LMBR1: variants seen among roughly 807,000 people sequenced by gnomAD.
The protein encoded by LMBR1 is limb region 1 protein homolog.
In LMBR1, 52 loss-of-function variants were observed where a neutral mutation model predicts 73.9. That is an observed-to-expected ratio of 0.70 (90% CI 0.56 to 0.89). LMBR1 has a LOEUF of 0.89. Among genes scored for constraint, LMBR1 ranks in the 40% least tolerant of loss-of-function variants. LMBR1 has a pLI of 0.00. For missense variants in LMBR1, 539 were observed against 579.8 expected, an observed-to-expected ratio of 0.93 and a Z score of 0.72; for synonymous variants, 215 against 209.4, an observed-to-expected ratio of 1.03 and a Z score of -0.23.
At chr7:156,843,667 G>A (rs1028008863) in intron 1 of LMBR1, among the ~76,000 whole-genome samples, 2 of 151,668 alleles carry the variant, frequency 1.3e-5, no homozygotes, top group East Asian at 1.9e-4. Flanking sequence ...CCAACATGAC[G>A]AAACCCGGAA....
At chr7:156,761,990 A>AAAAAAAAAAAAAC (rs1823131227) in intron 8 of LMBR1, 144 bp downstream of exon 8, 2 of 586,928 alleles carry the variant, frequency 3.4e-6, no homozygotes, top group African/African-American at 3.8e-5. Flanking sequence ...AAAAAAAAAA[A>AAAAAAAAAAAAAC]AACTTAATAA....
At chr7:156,688,376 G>C (rs1806407713) in intron 15 of LMBR1, among the ~76,000 whole-genome samples, 185 bp from the exon 16 acceptor site, 1 of 151,972 alleles carries the variant, frequency 6.6e-6, no homozygotes. Context: ...CCTCAAGCCA[G>C]ACCTAACCTA....
At chr7:156,798,388 TTC>T (rs1830400640) in intron 4 of LMBR1, among the ~76,000 whole-genome samples, 2 of 152,334 alleles carry the variant, frequency 1.3e-5, no homozygotes, top group South Asian at 4.1e-4. Flanking sequence ...CCCTTTCATC[TTC>T]TTTCTACCAA....
rs60224916 is a variant in LMBR1, at chr7:156,725,268, T to A, written c.1158+167A>T. 2.2e-4 allele frequency among the ~76,000 whole-genome samples: 34 copies of A among 152,248 alleles called. No homozygotes were observed. In the East Asian group the frequency reaches 6.4e-3, roughly 29 times the overall value. On this transcript the variant is annotated intron_variant, in intron 14 of 16. Coordinates refer to ENST00000353442, the MANE Select transcript of LMBR1 (RefSeq NM_022458.4). ...CGCCATCCAAATTAAACAGGGTACA[T>A]CCCTTTCCCACTCACTCAGCATTTT...
At chr7:156,755,501 A>G (rs73166124) in intron 9 of LMBR1, among the ~76,000 whole-genome samples, 6,388 of 152,336 alleles carry the variant, frequency 0.042, 183 homozygotes, top group Non-Finnish European at 0.049. Context: ...GCAGCTTGAC[A>G]CATACTCTTT....
rs192487652 is a variant in LMBR1 at position 156,807,077 on chromosome 7, T to C, written c.320-10585A>G. On this transcript the variant is annotated intron_variant, in intron 4 of 16. Coordinates refer to ENST00000353442, the MANE Select transcript of LMBR1 (RefSeq NM_022458.4). ...GTTAATAAAATCACATGGATTGGCA[T>C]TGCAAAAGTCATGATGTATTATCAT... Among the ~76,000 whole-genome samples the C allele has an allele frequency of 3.3e-3, 504 of 152,320 alleles. 3 individuals carry two copies. The highest frequency in any genetic ancestry group is 0.014 in the South Asian group (67 of 4,830).
chr7:156,836,817 T>G lies in LMBR1; in HGVS notation c.135A>C (p.Lys45Asn). The G allele has an allele frequency of 6.4e-7, 1 of 1,570,892 alleles. No homozygotes were observed. The highest frequency in any genetic ancestry group is 8.7e-7 in the Non-Finnish European group (1 of 1,152,904). Reference protein sequence around the residue: ...SYFIITRYKRKSDEQEDEDAI... With the variant: ...SYFIITRYKRNSDEQEDEDAI... ...AATTGACATGTTTCCACTTGCCTGA[T>G]TTTCTCTTGTATCTTGTGATGATGA... Residue 45 changes from lysine to asparagine, a missense_variant, in exon 2 of 17, where the codon AAA (lysine) becomes AAC (asparagine). By Grantham distance (94) the Lys-to-Asn change is moderately conservative. Around this residue, in one of 3 missense-constraint regions of LMBR1, gnomAD observed 454 missense variants for 473.4 expected, o/e 0.96. Coordinates refer to ENST00000353442, the MANE Select transcript of LMBR1 (RefSeq NM_022458.4).
intron 5 of LMBR1, among the ~76,000 whole-genome samples, chr7:156,767,139 CT>C (rs1161644993): frequency 6.6e-6 from 1 of 152,098 alleles, no homozygotes; most frequent in Non-Finnish European, 1.5e-5. Flanking sequence ...AAGTGGGGGT[CT>C]CCCTGTCCTT....
chr7:156,866,855 G>C (rs942184103), intron 1 of LMBR1, among the ~76,000 whole-genome samples: 1 of 152,060 alleles, frequency 6.6e-6, no homozygotes, highest in East Asian at 1.9e-4. Context: ...ACCCGCCTTG[G>C]CCTCCCAAAG....
chr7:156,718,275 C>T (rs377503439), intron 15 of LMBR1, among the ~76,000 whole-genome samples: 27 of 151,964 alleles, frequency 1.8e-4, no homozygotes, highest in African/African-American at 6.3e-4. Flanking sequence ...TGGCAGGCGC[C>T]TGTAATCCCA....
chr7:156,816,895 T>G (rs150056557), intron 4 of LMBR1, among the ~76,000 whole-genome samples: 83 of 152,256 alleles, frequency 5.5e-4, no homozygotes, highest in African/African-American at 1.9e-3. Flanking sequence ...CCAACACATA[T>G]ATTTCATTAT....
intron 15 of LMBR1, among the ~76,000 whole-genome samples, chr7:156,702,618 AC>A (rs1305648396): frequency 6.6e-6 from 1 of 152,206 alleles, no homozygotes; most frequent in Non-Finnish European, 1.5e-5. Context: ...TTTAGAAGAC[AC>A]TTTGACAGTT....
At chr7:156,753,168 C>T (rs796566884) in intron 9 of LMBR1, among the ~76,000 whole-genome samples, 3 of 152,116 alleles carry the variant, frequency 2.0e-5, no homozygotes, top group African/African-American at 7.2e-5. Context: ...CAGACAACCA[C>T]AGGGACAGGC....
At chr7:156,794,413 A>G (rs1005022692) in intron 5 of LMBR1, among the ~76,000 whole-genome samples, 1 of 152,220 alleles carries the variant, frequency 6.6e-6, no homozygotes, top group Non-Finnish European at 1.5e-5. Context: ...AAGGGGGAAC[A>G]GGAGAAAAAT....
At chr7:156,892,650 G>C (rs1220329553) in intron 1 of LMBR1, 2 of 302,720 alleles carry the variant, frequency 6.6e-6, no homozygotes, top group African/African-American at 4.4e-5. Flanking sequence ...GGCGGGGTCG[G>C]GGCTCGAACG....
At chr7:156,839,047 C>CTTTTTT (rs1164786244) in intron 1 of LMBR1, among the ~76,000 whole-genome samples, 4 of 98,518 alleles carry the variant, frequency 4.1e-5, no homozygotes, top group East Asian at 3.1e-4. Flanking sequence ...TAGTCCTTTG[C>CTTTTTT]TTTTTTTTTT....
At chr7:156,857,950 C>A (rs1339286944) in intron 1 of LMBR1, among the ~76,000 whole-genome samples, 1 of 150,242 alleles carries the variant, frequency 6.7e-6, no homozygotes, top group Non-Finnish European at 1.5e-5. Context: ...GCAAAAGCAG[C>A]GCTTAGAGGG....
At chr7:156,697,495 C>A (rs566023977) in intron 15 of LMBR1, among the ~76,000 whole-genome samples, 1 of 152,134 alleles carries the variant, frequency 6.6e-6, no homozygotes, top group Non-Finnish European at 1.5e-5. Context: ...TTATCTCAAC[C>A]GCATAAGACA....
At chr7:156,881,096 T>C (rs987069546) in intron 1 of LMBR1, among the ~76,000 whole-genome samples, 2 of 152,186 alleles carry the variant, frequency 1.3e-5, no homozygotes, top group Admixed American at 1.3e-4. Flanking sequence ...AATATATTAT[T>C]ACACAAAGCT....
Sources: allele counts gnomAD v4.1 joint callset (sites outside exome capture counted in the v4.1 genomes callset), GRCh38; gene constraint gnomAD v4.1.1; regional missense constraint gnomAD v4.1.1; transcripts MANE v1.5; gene names NCBI Gene and HGNC (gene_info 2026-07-23, HGNC 2026-07-21).